Variants in SEL1L3 observed in about 807,000 individuals in gnomAD.
SEL1L3 encodes protein sel-1 homolog 3.
SEL1L3 carries 76 observed loss-of-function variants against 142.8 expected under a neutral mutation model. That is an observed-to-expected ratio of 0.53 (90% CI 0.44 to 0.64). The LOEUF is 0.64. Among genes scored for constraint, SEL1L3 ranks in the 30% least tolerant of loss-of-function variants. The pLI is 0.00. For missense variants in SEL1L3, 1,262 were observed against 1,381.7 expected, an observed-to-expected ratio of 0.91 and a Z score of 1.37; for synonymous variants, 504 against 519.6, an observed-to-expected ratio of 0.97 and a Z score of 0.41.
chr4:25,741,726 A>G, the SEL1L3 span, among the ~76,000 whole-genome samples: 2 of 152,054 alleles, frequency 1.3e-5, no homozygotes, highest in African/African-American at 4.8e-5. Context: ...TGAAGAAGAG[A>G]AATCTGTATT....
At chr4:25,732,756 C>T in the SEL1L3 span, among the ~76,000 whole-genome samples, 9 of 151,568 alleles carry the variant, frequency 5.9e-5, no homozygotes, top group South Asian at 1.0e-3. Context: ...GGTGGGGAGT[C>T]GGACAGAGTC....
the SEL1L3 span, among the ~76,000 whole-genome samples, chr4:25,732,552 C>T: frequency 3.9e-4 from 60 of 152,276 alleles, no homozygotes; most frequent in East Asian, 8.5e-3. Context: ...AGTGGTATCT[C>T]AATGAGGTTT....
chr4:25,849,824 C>G (rs1045026616), intron 1 of SEL1L3, among the ~76,000 whole-genome samples: 7 of 152,136 alleles, frequency 4.6e-5, no homozygotes, highest in Non-Finnish European at 5.9e-5. Context: ...AATTTGGTAT[C>G]AAGGAATCGT....
intron 9 of SEL1L3, among the ~76,000 whole-genome samples, chr4:25,813,335 T>G (rs1714157399): frequency 1.3e-5 from 2 of 152,154 alleles, no homozygotes; most frequent in Admixed American, 1.3e-4. Context: ...ATAAATAAAG[T>G]GTGGTATAAA....
chr4:25,775,279 G>A (rs998208986), intron 17 of SEL1L3, among the ~76,000 whole-genome samples: 1 of 152,176 alleles, frequency 6.6e-6, no homozygotes, highest in Non-Finnish European at 1.5e-5. Flanking sequence ...TTTGCATTTG[G>A]TGCTTTCTTC....
chr4:25,756,007 C>T, intron 23 of SEL1L3: 1 of 985,382 alleles, frequency 1.0e-6, no homozygotes, highest in Non-Finnish European at 1.2e-6. Flanking sequence ...TTGATGGGTC[C>T]TTGTTAACCT....
the SEL1L3 span, among the ~76,000 whole-genome samples, chr4:25,730,108 A>G: frequency 2.0e-5 from 3 of 151,794 alleles, no homozygotes; most frequent in Non-Finnish European, 4.4e-5. Context: ...TAATTTTTGT[A>G]TTTTTAGTAG....
At chr4:25,728,249 C>A in the SEL1L3 span, among the ~76,000 whole-genome samples, 13 of 152,156 alleles carry the variant, frequency 8.5e-5, no homozygotes, top group African/African-American at 3.1e-4. Context: ...AGTTTCTTGA[C>A]CCATGGAGAA....
chr4:25,799,115 C>G (rs1712998277), intron 11 of SEL1L3, among the ~76,000 whole-genome samples: 2 of 152,066 alleles, frequency 1.3e-5, no homozygotes, highest in Admixed American at 1.3e-4. Context: ...TGCTCTGTAG[C>G]CCAGGCTGGA....
intron 19 of SEL1L3, among the ~76,000 whole-genome samples, chr4:25,765,641 CT>C (rs1463435011): frequency 1.3e-5 from 2 of 151,414 alleles, no homozygotes; most frequent in Non-Finnish European, 2.9e-5. Flanking sequence ...TATTTTTTTT[CT>C]TTTTTTTCTA....
chr4:25,790,403 C>A, intron 12 of SEL1L3, 52 bp downstream of exon 12: 1 of 1,583,386 alleles, frequency 6.3e-7, no homozygotes, highest in South Asian at 1.1e-5. Flanking sequence ...CACGGTATAA[C>A]CCAGTCTATC....
At chr4:25,858,403 T>C (rs909640681) in intron 1 of SEL1L3, among the ~76,000 whole-genome samples, 5 of 152,200 alleles carry the variant, frequency 3.3e-5, no homozygotes, top group African/African-American at 7.2e-5. Flanking sequence ...ATGCTCTGCA[T>C]TGCACACATA....
the SEL1L3 span, among the ~76,000 whole-genome samples, chr4:25,729,828 C>T: frequency 1.3e-5 from 2 of 152,354 alleles, no homozygotes; most frequent in African/African-American, 4.8e-5. Context: ...CTCCACTTCT[C>T]AGCTTGCAAT....
At chr4:25,803,140 A>G (rs1713304075) in intron 10 of SEL1L3, among the ~76,000 whole-genome samples, 2 of 152,078 alleles carry the variant, frequency 1.3e-5, no homozygotes, top group Non-Finnish European at 2.9e-5. Flanking sequence ...ACACTCTCAG[A>G]ATGTTTGTGC....
the SEL1L3 span, among the ~76,000 whole-genome samples, chr4:25,715,182 G>A: frequency 1.3e-5 from 2 of 152,002 alleles, no homozygotes; most frequent in East Asian, 1.9e-4. Context: ...GTTCAACTTC[G>A]TTAATAATAA....
the SEL1L3 span, among the ~76,000 whole-genome samples, chr4:25,736,764 G>A: frequency 6.6e-6 from 1 of 151,870 alleles, no homozygotes; most frequent in Non-Finnish European, 1.5e-5. Flanking sequence ...TAACTTTGTA[G>A]GTTTGTCTAT....
At chr4:25,814,048 C>A (rs1714207712) in intron 9 of SEL1L3, among the ~76,000 whole-genome samples, 1 of 152,096 alleles carries the variant, frequency 6.6e-6, no homozygotes, top group East Asian at 1.9e-4. Flanking sequence ...TATGTAGCGG[C>A]CTGGAAGTGG....
At chr4:25,746,993 T>A (rs919184318), downstream of SEL1L3, among the ~76,000 whole-genome samples, 2 of 152,174 alleles carry the variant, frequency 1.3e-5, no homozygotes, top group Non-Finnish European at 2.9e-5. Flanking sequence ...AGAAGGTTAA[T>A]CACTCACCTA....
At position 25,770,755 on chromosome 4, in the gene SEL1L3, A is replaced by G. The variant is rs1198893070; in HGVS notation, c.2670-2925T>C. ...ACTCTGTCTCAAAAAAAAAAAAAAA[A>G]AAAGAAAAGAAAAGAAAAGAAAAAA... On this transcript the variant is annotated intron_variant, in intron 17 of 23. Coordinates refer to ENST00000399878, the MANE Select transcript of SEL1L3 (RefSeq NM_015187.5). Among the ~76,000 whole-genome samples, 8 of 150,102 alleles carry G rather than the reference A, an allele frequency of 5.3e-5. No individual in the cohort carries two copies. The East Asian group carries it at 5.8e-4, about 11-fold the overall frequency.
Sources: gnomAD v4.1 joint callset for allele counts (sites outside exome capture counted in the v4.1 genomes callset) on GRCh38, gnomAD v4.1.1 for gene constraint, MANE v1.5 for transcripts, NCBI Gene and HGNC (gene_info 2026-07-23, HGNC 2026-07-21) for gene names.